CDH17: variants seen among roughly 807,000 people sequenced by gnomAD.
CDH17 encodes cadherin 17, also known as cadherin-17.
Under a neutral mutation model 86.3 loss-of-function variants are expected in CDH17, and 67 were observed. That is an observed-to-expected ratio of 0.78 (90% confidence interval 0.64 to 0.95). The LOEUF (loss-of-function observed/expected upper bound fraction) is 0.95. Ranked by LOEUF, CDH17 falls within the 40% of genes least tolerant of loss-of-function variation. The probability of loss-of-function intolerance (pLI) is 0.00; values close to 1 mark genes in which losing one functional copy is unlikely to be tolerated. For missense variants in CDH17, 993 were observed against 1,017.6 expected (o/e 0.98, Z 0.33); for synonymous variants, 367 against 366.4 (o/e 1.00, Z -0.02).
chr8:94,175,409 G>T (rs547157937), intron 5 of CDH17, among the ~76,000 whole-genome samples: 2 of 152,102 alleles, frequency 1.3e-5, no homozygotes, highest in Non-Finnish European at 2.9e-5. Flanking sequence ...TTTTTTCCTG[G>T]AATTCTCGGA....
chr8:94,194,580 A>T lies in CDH17; in HGVS notation c.51+55T>A, dbSNP rs1363742900. The T allele has an allele frequency of 5.0e-6, 6 of 1,193,686 alleles. No homozygotes were observed. The East Asian group carries it at 1.4e-4, about 28-fold the overall frequency. The allele number at this position is 1,193,686 out of a possible 1,614,324, so 73.9% of individuals were successfully genotyped here. A position where few individuals can be genotyped will look rare whatever the true frequency, so the allele number is the denominator to read the frequency against. ...ATTCTTTCCCTGGTGTGGGGTAGAA[A>T]GATAGCAGAAAATATTCTAGTAAAC... On this transcript the variant is annotated intron_variant, in intron 2 of 17. Transcript: ENST00000027335.
chr8:94,161,095 T>G (rs1813042659), intron 11 of CDH17, among the ~76,000 whole-genome samples: 1 of 152,212 alleles, frequency 6.6e-6, no homozygotes, highest in Non-Finnish European at 1.5e-5. Context: ...GTAGCCAGAT[T>G]AGTATTTAAG....
intron 3 of CDH17, among the ~76,000 whole-genome samples, chr8:94,185,177 AGT>A (rs1466840189): frequency 1.3e-5 from 2 of 151,976 alleles, no homozygotes; most frequent in Non-Finnish European, 1.5e-5. Context: ...AAAACTCCCC[AGT>A]GTGTTTTCTA....
intron 12 of CDH17, among the ~76,000 whole-genome samples, chr8:94,157,590 A>C (rs1812970106): frequency 6.6e-6 from 1 of 152,146 alleles, no homozygotes; most frequent in African/African-American, 2.4e-5. Flanking sequence ...CTTACAAATA[A>C]ATTTTCTTGG....
At chr8:94,211,994 C>T (rs957103838), upstream of CDH17, among the ~76,000 whole-genome samples, 1 of 151,932 alleles carries the variant, frequency 6.6e-6, no homozygotes, top group African/African-American at 2.4e-5. Flanking sequence ...CTAGAGTTCA[C>T]AGTTTTTGTT....
At chr8:94,141,142 T>G in intron 15 of CDH17, among the ~76,000 whole-genome samples, 1 of 152,018 alleles carries the variant, frequency 6.6e-6, no homozygotes. Context: ...ATCCCAGGAA[T>G]AAGGTGATTT....
intron 3 of CDH17, among the ~76,000 whole-genome samples, chr8:94,186,714 A>G (rs1470754697): frequency 6.6e-6 from 1 of 152,196 alleles, no homozygotes; most frequent in Non-Finnish European, 1.5e-5. Context: ...CAGTTTTCTA[A>G]AATCCTTTTA....
Position 94,148,783 on chromosome 8 carries a change from C to T in CDH17, c.1888G>A (p.Gly630Arg), listed in dbSNP as rs201852873. The T allele has an allele frequency of 5.8e-5, 93 of 1,594,018 alleles. No homozygotes were observed. Among genetic ancestry groups the T allele is most frequent in the Admixed American group, 3.6e-4 (21 of 58,258 alleles). The change falls in exon 14 of 18, where the codon GGA becomes AGA. Residue 630 changes from glycine (G) to arginine (R), a missense_variant. Gly to Arg is a moderately radical substitution (Grantham distance 125). Transcript: ENST00000027335. Reference protein sequence around the residue: ...FSVAPLDREAGSPYRVQVVAT... With the variant: ...FSVAPLDREARSPYRVQVVAT... ...ACCACTTGTACCCGATATGGACTTC[C>T]GGCTTCTCTGTCCAATGGAGCCACA... is the stretch of plus-strand genomic sequence containing the variant.
intron 15 of CDH17, among the ~76,000 whole-genome samples, chr8:94,135,115 C>T (rs1812496227): frequency 6.6e-6 from 1 of 152,124 alleles, no homozygotes; most frequent in South Asian, 2.1e-4. Context: ...CTATGTGGCA[C>T]TGAGAAGAAT....
intron 15 of CDH17, among the ~76,000 whole-genome samples, chr8:94,143,847 CT>C (rs1379609646): frequency 6.6e-6 from 1 of 152,178 alleles, no homozygotes; most frequent in Non-Finnish European, 1.5e-5. Flanking sequence ...ACTATTGTTG[CT>C]GTTTTAATCT....
chr8:94,201,900 C>CA (rs1442504180), intron 1 of CDH17: 3 of 169,190 alleles, frequency 1.8e-5, no homozygotes, highest in African/African-American at 7.2e-5. Context: ...TAATTAGGTT[C>CA]TTCTTAAGAA....
chr8:94,142,584 G>A (rs1197005669), intron 15 of CDH17, among the ~76,000 whole-genome samples: 1 of 152,144 alleles, frequency 6.6e-6, no homozygotes, highest in African/African-American at 2.4e-5. Context: ...CTGGTTGATG[G>A]CATTTTACCC....
At chr8:94,130,339 C>T (rs1812387392) in intron 17 of CDH17, among the ~76,000 whole-genome samples, 1 of 152,150 alleles carries the variant, frequency 6.6e-6, no homozygotes, top group African/African-American at 2.4e-5. Context: ...GCATTTCTTC[C>T]CTCTTTATCA....
intron 15 of CDH17, among the ~76,000 whole-genome samples, chr8:94,142,507 A>G (rs1354913667): frequency 6.6e-6 from 1 of 152,210 alleles, no homozygotes; most frequent in Non-Finnish European, 1.5e-5. Context: ...AAATAAGACA[A>G]CAATGAAGTT....
At chr8:94,148,677 T>C (rs949875671) in intron 14 of CDH17, 67 bp downstream of exon 14, 1 of 1,369,164 alleles carries the variant, frequency 7.3e-7, no homozygotes, top group African/African-American at 1.5e-5. Flanking sequence ...CTCCCTCCCA[T>C]TTCAACCCAT....
chr8:94,173,004 G>A (rs1269494797), intron 7 of CDH17, among the ~76,000 whole-genome samples: 1 of 152,120 alleles, frequency 6.6e-6, no homozygotes, highest in East Asian at 1.9e-4. Context: ...ACAATAAGAA[G>A]CAGCAGCCTT....
intron 7 of CDH17, among the ~76,000 whole-genome samples, chr8:94,171,318 A>G (rs1813265923): frequency 6.6e-6 from 1 of 152,216 alleles, no homozygotes; most frequent in Non-Finnish European, 1.5e-5. Flanking sequence ...AACAAAATGT[A>G]CTTTGTGGCT....
At chr8:94,210,539 G>A (rs934419079), upstream of CDH17, among the ~76,000 whole-genome samples, 4 of 152,246 alleles carry the variant, frequency 2.6e-5, no homozygotes, top group African/African-American at 9.6e-5. Context: ...CATCCTTCCA[G>A]ATTAAATCCA....
chr8:94,200,664 T>C (rs1813894384), intron 1 of CDH17, among the ~76,000 whole-genome samples: 1 of 144,882 alleles, frequency 6.9e-6, no homozygotes, highest in Admixed American at 7.3e-5. Flanking sequence ...TGCTCAACAG[T>C]AGACCAGGGC....
Sources: allele counts gnomAD v4.1 joint callset (sites outside exome capture counted in the v4.1 genomes callset), GRCh38; gene constraint gnomAD v4.1.1; transcripts MANE v1.5; gene names NCBI Gene and HGNC (gene_info 2026-07-23, HGNC 2026-07-21).